The following AOPEP variants were observed in gnomAD, a reference collection of about 807,000 sequenced individuals.
The protein encoded by AOPEP is aminopeptidase O (putative).
AOPEP carries 77 observed loss-of-function variants against 98.1 expected under a neutral mutation model. The observed-to-expected ratio is 0.78, with a 90% confidence interval of 0.65 to 0.95. AOPEP has a LOEUF of 0.95. AOPEP is among the 40% of genes least tolerant of loss of function. The pLI is 0.00. For synonymous variants in AOPEP, 346 were observed against 365.3 expected, an observed-to-expected ratio of 0.95 and a Z score of 0.60; for missense variants, 1,024 against 1,024.7, an observed-to-expected ratio of 1.00 and a Z score of 0.01.
At chr9:95,135,659 C>G in the AOPEP span, 1 of 653,600 alleles carries the variant, frequency 1.5e-6, no homozygotes, top group Non-Finnish European at 2.7e-6. Flanking sequence ...GAATATTTAC[C>G]AAGTGCTCAT....
chr9:94,877,773 T>C (rs2047131112), intron 5 of AOPEP, among the ~76,000 whole-genome samples: 3 of 152,188 alleles, frequency 2.0e-5, no homozygotes, highest in Admixed American at 2.0e-4. Flanking sequence ...TGTATCCATA[T>C]AGCTAATTCC....
In AOPEP at chr9:95,001,639, C is replaced by T. The variant is rs191303456; in HGVS notation, c.1978-3519C>T. Among the ~76,000 whole-genome samples, 840 of 152,198 alleles carry T rather than the reference C, an allele frequency of 5.5e-3. 5 individuals are homozygous for T. The highest frequency in any genetic ancestry group is 0.018 in the African/African-American group (736 of 41,536). On this transcript the variant is annotated intron_variant, in intron 11 of 16. Transcript: ENST00000375315. ...GAACACAATAGAAAAGTATTTTTTC[C>T]GTGTCATGCAATATGTAAATCTTTC...
intron 14 of AOPEP, among the ~76,000 whole-genome samples, chr9:95,076,765 G>A (rs1035810603): frequency 2.6e-5 from 4 of 152,162 alleles, no homozygotes; most frequent in Non-Finnish European, 4.4e-5. Context: ...AGACCTTACC[G>A]TATTTTGTAT....
chr9:95,131,747 T>C, the AOPEP span, among the ~76,000 whole-genome samples: 2 of 152,194 alleles, frequency 1.3e-5, no homozygotes, highest in Admixed American at 6.5e-5. Context: ...AGTGAAAAGC[T>C]ACTTAAGCAC....
chr9:94,800,696 G>A (rs1184212988), intron 4 of AOPEP, 61 bp from the exon 5 acceptor site: 1 of 1,585,296 alleles, frequency 6.3e-7, no homozygotes, highest in Admixed American at 1.7e-5. Context: ...CTGCAAGATT[G>A]CCTCACCTCC....
the AOPEP span, among the ~76,000 whole-genome samples, chr9:95,146,969 T>C: frequency 1.3e-5 from 2 of 151,438 alleles, no homozygotes; most frequent in South Asian, 4.1e-4. Flanking sequence ...TTTGAAAACT[T>C]TTCTAATTTT....
intron 2 of AOPEP, among the ~76,000 whole-genome samples, chr9:94,764,476 A>G (rs553463382): frequency 7.9e-5 from 12 of 152,080 alleles, no homozygotes; most frequent in East Asian, 1.9e-4. Context: ...GCGAAACCCC[A>G]TCTTTACTAA....
At chr9:94,847,127 T>TACAC (rs57318947) in intron 5 of AOPEP, among the ~76,000 whole-genome samples, 8,276 of 125,156 alleles carry the variant, frequency 0.066, 782 homozygotes, top group African/African-American at 0.21. Context: ...GTTCCCTTTG[T>TACAC]ACACACACAC....
At chr9:94,824,647 A>C (rs1326302162) in intron 5 of AOPEP, 3 of 152,228 alleles carry the variant, frequency 2.0e-5, no homozygotes, top group Non-Finnish European at 4.4e-5. Context: ...TCAAGCAGGA[A>C]AATGTTTCAT....
intron 9 of AOPEP, among the ~76,000 whole-genome samples, chr9:94,966,626 A>T (rs1287643231): frequency 1.3e-5 from 2 of 152,260 alleles, no homozygotes; most frequent in East Asian, 3.8e-4. Context: ...TCCAAAGTAT[A>T]CAAAGTATAT....
At chr9:94,842,238 T>TGTAGTCCCAGCTACTC (rs1254415299) in intron 5 of AOPEP, among the ~76,000 whole-genome samples, 4 of 152,080 alleles carry the variant, frequency 2.6e-5, no homozygotes, top group Non-Finnish European at 5.9e-5. Context: ...GGCGTGCACC[T>TGTAGTCCCAGCTACTC]GTAGTCCCAG....
chr9:95,114,968 G>C, the AOPEP span, among the ~76,000 whole-genome samples: 27 of 152,218 alleles, frequency 1.8e-4, no homozygotes, highest in African/African-American at 4.3e-4. Flanking sequence ...TTTAAGACAC[G>C]ATCTTGCTTG....
At chr9:94,943,361 AG>A (rs2057229755) in intron 7 of AOPEP, among the ~76,000 whole-genome samples, 1 of 152,208 alleles carries the variant, frequency 6.6e-6, no homozygotes, top group African/African-American at 2.4e-5. Context: ...TGGGAGGCTG[AG>A]GTGGGCAGAT....
chr9:94,904,311 G>C (rs938237776), intron 5 of AOPEP: 2 of 152,216 alleles, frequency 1.3e-5, no homozygotes, highest in Admixed American at 1.3e-4. Flanking sequence ...ACTGAGGCCA[G>C]AGAGGTAAAG....
intron 5 of AOPEP, 72 bp from the exon 6 acceptor site, chr9:94,923,914 G>C (rs1306428717): frequency 1.9e-6 from 2 of 1,073,660 alleles, no homozygotes; most frequent in Non-Finnish European, 2.5e-6. Context: ...GGCTAGGAAA[G>C]CTGCCCCATC....
At chr9:94,841,430 T>A (rs1316948962) in intron 5 of AOPEP, among the ~76,000 whole-genome samples, 1 of 152,208 alleles carries the variant, frequency 6.6e-6, no homozygotes, top group Non-Finnish European at 1.5e-5. Flanking sequence ...TGCCTTGGCC[T>A]CCCAAAGTGC....
intron 4 of AOPEP, among the ~76,000 whole-genome samples, chr9:94,798,744 C>T (rs1278737365): frequency 1.3e-5 from 2 of 152,124 alleles, no homozygotes; most frequent in Admixed American, 6.5e-5. Context: ...CATTATATAC[C>T]TGTGTAAATA....
chr9:94,834,657 G>A lies in AOPEP; in HGVS notation c.1364+33655G>A, dbSNP rs1398943983. Among the ~76,000 whole-genome samples the A allele has an allele frequency of 2.6e-5, 4 of 152,202 alleles. No homozygotes were observed. In the South Asian group the frequency reaches 8.3e-4, roughly 32 times the overall value. ...AAAATCAAAAAATTAGCCCACTGTG[G>A]TGACGTGCACCTGTAGTCCCAGCTA... On this transcript the variant is annotated intron_variant, in intron 5 of 16. Transcript: ENST00000375315.
chr9:94,727,983 C>T (rs1019925983), intron 1 of AOPEP, among the ~76,000 whole-genome samples: 2 of 152,174 alleles, frequency 1.3e-5, no homozygotes, highest in Non-Finnish European at 2.9e-5. Context: ...TAAAAATTCA[C>T]AGTTAACTAA....
Sources: gnomAD v4.1 joint callset for allele counts (sites outside exome capture counted in the v4.1 genomes callset) on GRCh38, gnomAD v4.1.1 for gene constraint, MANE v1.5 for transcripts, NCBI Gene and HGNC (gene_info 2026-07-23, HGNC 2026-07-21) for gene names.